RBFOX1: variants seen among roughly 807,000 people sequenced by gnomAD.
RBFOX1 encodes RNA binding fox-1 homolog 1.
Under a neutral mutation model 57.7 loss-of-function variants are expected in RBFOX1, and 8 were observed. That is an observed-to-expected ratio of 0.14 (90% CI 0.08 to 0.25). RBFOX1 has a LOEUF of 0.25. Ranked by LOEUF, RBFOX1 falls within the 10% of genes least tolerant of loss-of-function variation. The pLI is 1.00. For missense variants in RBFOX1, 611 were observed against 548.5 expected (o/e 1.11, Z -1.14); for synonymous variants, 326 against 222.4 (o/e 1.47, Z -4.15).
At chr16:7,569,478 T>C (rs2092543792) in intron 5 of RBFOX1, among the ~76,000 whole-genome samples, 1 of 152,198 alleles carries the variant, frequency 6.6e-6, no homozygotes, top group African/African-American at 2.4e-5. Flanking sequence ...TTCTCTTCCA[T>C]GCCACTGGCC....
chr16:7,076,612 T>C (rs1467199513), intron 4 of RBFOX1, among the ~76,000 whole-genome samples: 1 of 152,222 alleles, frequency 6.6e-6, no homozygotes, highest in Non-Finnish European at 1.5e-5. Context: ...AGCAAAACTT[T>C]ATTTTTGCAC....
At chr16:6,944,497 G>A (rs1159431060) in intron 3 of RBFOX1, among the ~76,000 whole-genome samples, 1 of 152,094 alleles carries the variant, frequency 6.6e-6, no homozygotes, top group Non-Finnish European at 1.5e-5. Context: ...AGGTGACAGT[G>A]ACTTTGGATC....
chr16:6,759,570 G>C (rs1051578155), intron 3 of RBFOX1, among the ~76,000 whole-genome samples: 12 of 150,966 alleles, frequency 7.9e-5, no homozygotes, highest in Non-Finnish European at 1.6e-4. Flanking sequence ...TTCATTGTTA[G>C]GATATGAGTT....
intron 1 of RBFOX1, among the ~76,000 whole-genome samples, chr16:6,231,325 A>T (rs936044222): frequency 6.6e-6 from 1 of 152,144 alleles, no homozygotes; most frequent in East Asian, 1.9e-4. Flanking sequence ...GATGAAGGTT[A>T]TAAGTGGAGG....
intron 3 of RBFOX1, among the ~76,000 whole-genome samples, chr16:5,829,784 A>T (rs979050689): frequency 8.5e-5 from 13 of 152,206 alleles, no homozygotes; most frequent in African/African-American, 3.1e-4. Context: ...AGGCCTTTGA[A>T]TGCCATCAGC....
intron 3 of RBFOX1, among the ~76,000 whole-genome samples, chr16:7,025,137 C>T (rs889828682): frequency 6.6e-6 from 1 of 152,178 alleles, no homozygotes; most frequent in Non-Finnish European, 1.5e-5. Flanking sequence ...ACTCCATAGA[C>T]AGAACAGCCC....
chr16:7,069,589 T>A (rs2056894225), intron 4 of RBFOX1, among the ~76,000 whole-genome samples: 1 of 152,196 alleles, frequency 6.6e-6, no homozygotes, highest in Admixed American at 6.5e-5. Flanking sequence ...CACATTCCTT[T>A]CACGGCCTGG....
intron 2 of RBFOX1, among the ~76,000 whole-genome samples, chr16:6,322,216 A>G (rs1009808555): frequency 6.6e-6 from 1 of 152,188 alleles, no homozygotes; most frequent in African/African-American, 2.4e-5. Flanking sequence ...TTCATACCTA[A>G]AGCCACCTTC....
rs375552953 is a variant in RBFOX1 at position 7,006,915 on chromosome 16, C to T, written c.-15-45142C>T. 4.7e-4 allele frequency among the ~76,000 whole-genome samples: 72 copies of T among 152,296 alleles called. 1 individual carries two copies. In the South Asian group the frequency reaches 0.014, roughly 30 times the overall value. On this transcript the variant is annotated intron_variant, in intron 3 of 15. Coordinates refer to ENST00000550418, the MANE Select transcript of RBFOX1 (RefSeq NM_018723.4). ...CTTTAACATCACCTCCCCATATGGA[C>T]GCACCGTCTTGTCTCTTCCATGTTT...
intron 4 of RBFOX1, among the ~76,000 whole-genome samples, chr16:7,105,978 C>T (rs1259320510): frequency 6.6e-6 from 1 of 152,118 alleles, no homozygotes; most frequent in Non-Finnish European, 1.5e-5. Context: ...CTAATGACAA[C>T]TCTATGAAAC....
rs191682982 is a variant in RBFOX1, at chr16:7,011,400, C to T, written c.-15-40657C>T. Among the ~76,000 whole-genome samples the T allele has an allele frequency of 2.0e-4, 31 of 152,222 alleles. No homozygotes were observed. In the East Asian group the frequency reaches 4.8e-3, roughly 24 times the overall value. On this transcript the variant is annotated intron_variant, in intron 3 of 15. Coordinates refer to ENST00000550418, the MANE Select transcript of RBFOX1 (RefSeq NM_018723.4). ...GTGGCAGATGGGGATTGAAACCAGG[C>T]GGGCTGTTTGTTGCTATGTGTTTTT...
chr16:6,247,652 A>G (rs570597534), intron 1 of RBFOX1, among the ~76,000 whole-genome samples: 39 of 152,288 alleles, frequency 2.6e-4, no homozygotes, highest in Middle Eastern at 3.4e-3. Context: ...TCAGAGATAC[A>G]AACACTAGAG....
intron 3 of RBFOX1, among the ~76,000 whole-genome samples, chr16:6,940,351 T>C (rs1265301272): frequency 1.3e-5 from 2 of 152,174 alleles, no homozygotes; most frequent in Non-Finnish European, 2.9e-5. Flanking sequence ...AAGCAAAAGC[T>C]CAAACTACAT....
At chr16:7,195,133 C>T (rs2086379090) in intron 4 of RBFOX1, among the ~76,000 whole-genome samples, 1 of 152,048 alleles carries the variant, frequency 6.6e-6, no homozygotes, top group Non-Finnish European at 1.5e-5. Context: ...TCAACTTCAC[C>T]ATGTTTTGTG....
At chr16:6,927,436 A>AAAAAAAAAAC in intron 3 of RBFOX1, among the ~76,000 whole-genome samples, 2 of 151,006 alleles carry the variant, frequency 1.3e-5, no homozygotes, top group African/African-American at 4.9e-5. Flanking sequence ...AAAAAAAAAA[A>AAAAAAAAAAC]AAATCCGAAC....
intron 3 of RBFOX1, among the ~76,000 whole-genome samples, chr16:6,740,645 A>T (rs2071776994): frequency 6.6e-6 from 1 of 152,206 alleles, no homozygotes. Flanking sequence ...TCACCCAGAA[A>T]AAAGGGAAAT....
chr16:7,025,077 G>C (rs1208786084), intron 3 of RBFOX1, among the ~76,000 whole-genome samples: 1 of 152,194 alleles, frequency 6.6e-6, no homozygotes, highest in East Asian at 1.9e-4. Flanking sequence ...TGTCTGTAGA[G>C]TGAAGCGAAA....
At chr16:6,559,163 TTG>T (rs567268434) in intron 2 of RBFOX1, among the ~76,000 whole-genome samples, 1 of 134,092 alleles carries the variant, frequency 7.5e-6, no homozygotes, top group Admixed American at 7.1e-5. Context: ...ATATGACTGT[TTG>T]TGTGTACATA....
chr16:7,003,887 G>C (rs1382165232), intron 3 of RBFOX1: 1 of 152,010 alleles, frequency 6.6e-6, no homozygotes, highest in Non-Finnish European at 1.5e-5. Context: ...TGGTAAATTG[G>C]CTTTCAGTGG....
Sources: gnomAD v4.1 joint callset for allele counts (sites outside exome capture counted in the v4.1 genomes callset) on GRCh38, gnomAD v4.1.1 for gene constraint, MANE v1.5 for transcripts, NCBI Gene and HGNC (gene_info 2026-07-23, HGNC 2026-07-21) for gene names.